The following NCKAP5 variants were observed in gnomAD, a reference collection of about 807,000 sequenced individuals.
NCKAP5 encodes NCK associated protein 5, also known as nck-associated protein 5.
In NCKAP5, 92 loss-of-function variants were observed where a neutral mutation model predicts 167.0. The observed-to-expected ratio is 0.55, with a 90% CI of 0.47 to 0.66. NCKAP5 has a LOEUF of 0.66. Ranked by LOEUF, NCKAP5 falls within the 30% of genes least tolerant of loss-of-function variation. The probability of loss-of-function intolerance (pLI) is 0.00; values close to 1 mark genes in which losing one functional copy is unlikely to be tolerated. For missense variants in NCKAP5, 2,378 were observed against 2,315.0 expected (o/e 1.03, Z -0.56); for synonymous variants, 891 against 877.4 (o/e 1.02, Z -0.27).
intron 3 of NCKAP5, among the ~76,000 whole-genome samples, chr2:133,404,177 T>G (rs1688278171): frequency 6.6e-6 from 1 of 152,194 alleles, no homozygotes; most frequent in South Asian, 2.1e-4. Flanking sequence ...GAAACTACAT[T>G]TTGATCATGA....
At chr2:132,779,771 A>T (rs1485203847) in intron 15 of NCKAP5, among the ~76,000 whole-genome samples, 1 of 152,188 alleles carries the variant, frequency 6.6e-6, no homozygotes, top group East Asian at 1.9e-4. Context: ...CTAAACATCA[A>T]TAAGTATTTA....
At chr2:133,613,762 T>C in the NCKAP5 span, among the ~76,000 whole-genome samples, 1 of 152,170 alleles carries the variant, frequency 6.6e-6, no homozygotes, top group African/African-American at 2.4e-5. Flanking sequence ...GGTGGTCCCG[T>C]AGTCCCTTCA....
chr2:133,105,985 C>T (rs1363396414), intron 6 of NCKAP5, among the ~76,000 whole-genome samples: 1 of 152,052 alleles, frequency 6.6e-6, no homozygotes, highest in Non-Finnish European at 1.5e-5. Context: ...GACCCATCCT[C>T]CTTCTACCTA....
intron 3 of NCKAP5, among the ~76,000 whole-genome samples, chr2:133,343,964 C>G (rs768312294): frequency 3.9e-5 from 6 of 152,144 alleles, no homozygotes; most frequent in Non-Finnish European, 8.8e-5. Context: ...GCAGTATGAG[C>G]CAGCCCCAGC....
At chr2:133,431,214 G>A (rs1455409642) in intron 3 of NCKAP5, among the ~76,000 whole-genome samples, 1 of 152,076 alleles carries the variant, frequency 6.6e-6, no homozygotes, top group Non-Finnish European at 1.5e-5. Flanking sequence ...TCAGAATATT[G>A]AATAATAATT....
At chr2:133,541,139 T>C (rs996704447) in intron 2 of NCKAP5, among the ~76,000 whole-genome samples, 1 of 151,290 alleles carries the variant, frequency 6.6e-6, no homozygotes, top group African/African-American at 2.4e-5. Flanking sequence ...ACTAAACAAA[T>C]AACAAAATTA....
At chr2:133,103,743 G>A (rs796646657) in intron 6 of NCKAP5, among the ~76,000 whole-genome samples, 9 of 152,318 alleles carry the variant, frequency 5.9e-5, no homozygotes, top group African/African-American at 2.2e-4. Context: ...TTACACTGCT[G>A]CACTCCAGCC....
intron 1 of NCKAP5, among the ~76,000 whole-genome samples, chr2:133,566,238 G>C (rs2105048112): frequency 2.6e-5 from 4 of 152,302 alleles, no homozygotes; most frequent in Middle Eastern, 3.4e-3. Flanking sequence ...CCACTGGAGA[G>C]AGGGGCCCAA....
chr2:133,085,672 G>A lies in NCKAP5; in HGVS notation c.341+44306C>T, dbSNP rs574435091. 2.0e-5 allele frequency among the ~76,000 whole-genome samples: 3 copies of A among 152,248 alleles called. No homozygotes were observed. The South Asian group carries it at 6.2e-4, about 32-fold the overall frequency. Reference sequence around the variant, plus strand: ...GCCTGTATAAGTGATGTGGCAGTTAGAGCATGTGTTATAGGTCCTTGAGTG... The same window carrying A: ...GCCTGTATAAGTGATGTGGCAGTTAAAGCATGTGTTATAGGTCCTTGAGTG... On this transcript the variant is annotated intron_variant, in intron 6 of 19. Transcript: ENST00000409261.
At chr2:132,859,567 C>A (rs1689727292) in intron 11 of NCKAP5, among the ~76,000 whole-genome samples, 1 of 152,132 alleles carries the variant, frequency 6.6e-6, no homozygotes, top group South Asian at 2.1e-4. Flanking sequence ...TTAAATAGCC[C>A]TACATGGCTA....
chr2:133,183,587 GC>G (rs1436866926), intron 5 of NCKAP5, among the ~76,000 whole-genome samples: 2 of 152,090 alleles, frequency 1.3e-5, no homozygotes, highest in East Asian at 3.9e-4. Flanking sequence ...AAGAGCACTG[GC>G]CAAAAACCAA....
At chr2:133,632,474 A>G in the NCKAP5 span, among the ~76,000 whole-genome samples, 1 of 152,230 alleles carries the variant, frequency 6.6e-6, no homozygotes, top group Non-Finnish European at 1.5e-5. Context: ...AACTTGGGTC[A>G]ATTCTTAATG....
intron 3 of NCKAP5, among the ~76,000 whole-genome samples, chr2:133,383,046 T>C (rs1037085493): frequency 3.9e-5 from 6 of 152,080 alleles, no homozygotes; most frequent in Admixed American, 3.9e-4. Flanking sequence ...AGTGATGCAT[T>C]CTAGGATTGC....
intron 5 of NCKAP5, among the ~76,000 whole-genome samples, chr2:133,185,315 T>A (rs375140253): frequency 6.6e-6 from 1 of 152,168 alleles, no homozygotes; most frequent in Non-Finnish European, 1.5e-5. Flanking sequence ...TTCTCACTGG[T>A]CTATGTGTCT....
chr2:133,493,532 A>G (rs553596418), intron 3 of NCKAP5, among the ~76,000 whole-genome samples: 198 of 152,286 alleles, frequency 1.3e-3, no homozygotes, highest in Non-Finnish European at 2.4e-3. Flanking sequence ...ATGTGTCTCA[A>G]ACACTGAGAA....
chr2:132,842,819 G>A (rs958975553), intron 11 of NCKAP5, among the ~76,000 whole-genome samples: 1 of 151,952 alleles, frequency 6.6e-6, no homozygotes, highest in African/African-American at 2.4e-5. Flanking sequence ...GATTATAGGC[G>A]TGAGCTACCA....
At chr2:132,919,719 G>GAGAAGGAAT (rs1182621629) in intron 8 of NCKAP5, among the ~76,000 whole-genome samples, 1 of 152,048 alleles carries the variant, frequency 6.6e-6, no homozygotes, top group Non-Finnish European at 1.5e-5. Flanking sequence ...AGAAAAAAAT[G>GAGAAGGAAT]AGAAGGAATA....
At chr2:132,805,336 T>C (rs1685346859) in intron 11 of NCKAP5, among the ~76,000 whole-genome samples, 1 of 152,202 alleles carries the variant, frequency 6.6e-6, no homozygotes, top group Non-Finnish European at 1.5e-5. Flanking sequence ...GTTCATGCTC[T>C]TAATTCTACC....
chr2:132,801,985 C>T (rs1231277047), intron 11 of NCKAP5, among the ~76,000 whole-genome samples: 2 of 152,188 alleles, frequency 1.3e-5, no homozygotes, highest in African/African-American at 4.8e-5. Flanking sequence ...ACCATGTTGG[C>T]CAGGCTGGTC....
Sources: allele counts gnomAD v4.1 joint callset (sites outside exome capture counted in the v4.1 genomes callset), GRCh38; gene constraint gnomAD v4.1.1; transcripts MANE v1.5; gene names NCBI Gene and HGNC (gene_info 2026-07-23, HGNC 2026-07-21).